The following TRPC1 variants were observed in gnomAD, a reference collection of about 807,000 sequenced individuals.
TRPC1 encodes short transient receptor potential channel 1.
TRPC1 carries 42 observed loss-of-function variants against 88.2 expected under a neutral mutation model. The observed-to-expected ratio is 0.48, with a 90% CI of 0.37 to 0.62. The LOEUF is 0.62. Among genes scored for constraint, TRPC1 ranks in the 20% least tolerant of loss-of-function variants. The pLI, the probability that TRPC1 is intolerant of heterozygous loss-of-function variation, is 0.00. For missense variants in TRPC1, 699 were observed against 957.3 expected (o/e 0.73, Z 3.56); for synonymous variants, 288 against 331.8 (o/e 0.87, Z 1.43).
intron 9 of TRPC1, among the ~76,000 whole-genome samples, chr3:142,798,567 C>T (rs576357941): frequency 6.6e-6 from 1 of 152,290 alleles, no homozygotes; most frequent in African/African-American, 2.4e-5. Context: ...AAGTAACACG[C>T]AGAAGCGTGG....
chr3:142,779,993 A>G (rs1324257300), intron 5 of TRPC1, among the ~76,000 whole-genome samples: 1 of 150,794 alleles, frequency 6.6e-6, no homozygotes, highest in Non-Finnish European at 1.5e-5. Context: ...GATTACAGGC[A>G]CCTGCCACCA....
chr3:142,744,012 T>TA (rs1934447786), intron 3 of TRPC1, among the ~76,000 whole-genome samples: 1 of 152,106 alleles, frequency 6.6e-6, no homozygotes, highest in African/African-American at 2.4e-5. Context: ...TTTTTGCTGT[T>TA]AAAAAAGTTA....
chr3:142,792,842 C>A lies in TRPC1; in HGVS notation c.1456C>A (p.Arg486=). The change falls in exon 9 of 13, where the codon CGG becomes AGG. Residue 486 remains arginine (R), a synonymous_variant. Coordinates refer to ENST00000476941, the MANE Select transcript of TRPC1 (RefSeq NM_001251845.2). The surrounding 1 kb of genome is among the most constrained non-coding windows in gnomAD (Gnocchi z 4.0). ...AHNKFHDFAD[R]KDWDAFHPTL... is the part of the protein sequence containing the mutation. Reference sequence around the variant, plus strand: ...ACCTTAGTTTCATGATTTTGCTGATCGGAAGGATTGGGATGCATTCCATCC... The same window carrying A: ...ACCTTAGTTTCATGATTTTGCTGATAGGAAGGATTGGGATGCATTCCATCC... 6.3e-7 allele frequency: 1 copy of A among 1,587,386 alleles called. No individual in the cohort carries two copies. The highest frequency in any genetic ancestry group is 8.6e-7 in the Non-Finnish European group (1 of 1,167,644).
intron 7 of TRPC1, 95 bp from the exon 8 acceptor site, chr3:142,790,924 G>A: frequency 9.5e-7 from 1 of 1,051,494 alleles, no homozygotes. Flanking sequence ...TAAGGCCCAA[G>A]GATTATTTAT....
intron 1 of TRPC1, among the ~76,000 whole-genome samples, chr3:142,733,078 A>AT (rs1225193419): frequency 2.0e-5 from 3 of 151,780 alleles, no homozygotes; most frequent in Non-Finnish European, 4.4e-5. Flanking sequence ...CTATAATGTG[A>AT]TTTTTCATTT....
chr3:142,734,646 A>C (rs1934052096), intron 1 of TRPC1, among the ~76,000 whole-genome samples: 1 of 152,156 alleles, frequency 6.6e-6, no homozygotes, highest in South Asian at 2.1e-4. Context: ...CCTTAGATTT[A>C]GAAAGCCTAG....
chr3:142,764,767 G>T (rs768939784), intron 4 of TRPC1, among the ~76,000 whole-genome samples: 5 of 152,074 alleles, frequency 3.3e-5, no homozygotes, highest in Non-Finnish European at 7.4e-5. Flanking sequence ...GGTGGTCTAA[G>T]ACCTTCCTGT....
intron 4 of TRPC1, among the ~76,000 whole-genome samples, chr3:142,754,928 A>G (rs35862982): frequency 0.45 from 68,486 of 152,024 alleles, 16,237 homozygotes; most frequent in African/African-American, 0.6. Context: ...TGATTTTGAT[A>G]TGAGAATGAA....
intron 4 of TRPC1, among the ~76,000 whole-genome samples, chr3:142,749,528 G>A (rs1934677337): frequency 6.6e-6 from 1 of 152,122 alleles, no homozygotes; most frequent in Admixed American, 6.6e-5. Context: ...GGAGGTGGAA[G>A]ACAGTGATAT....
At chr3:142,734,289 A>G (rs1934040038) in intron 1 of TRPC1, among the ~76,000 whole-genome samples, 1 of 152,220 alleles carries the variant, frequency 6.6e-6, no homozygotes, top group Admixed American at 6.5e-5. Flanking sequence ...AAATGAAAAC[A>G]TAAGAAAATA....
chr3:142,732,634 G>T (rs974446949), intron 1 of TRPC1, among the ~76,000 whole-genome samples: 7 of 151,918 alleles, frequency 4.6e-5, no homozygotes, highest in Admixed American at 4.6e-4. Flanking sequence ...TTAGAGAGGG[G>T]GCTAAGAAGA....
chr3:142,750,769 C>T (rs1247719964), intron 4 of TRPC1, among the ~76,000 whole-genome samples: 1 of 152,062 alleles, frequency 6.6e-6, no homozygotes, highest in Non-Finnish European at 1.5e-5. Flanking sequence ...TTTGCAGGGA[C>T]ATGGATGAAA....
In TRPC1 at chr3:142,754,422, A is replaced by T. The variant is rs757666423; in HGVS notation, c.632+5962A>T. Reference sequence around the variant, plus strand: ...AAATTTAATTTGCATAAAGTATAATAAAAAAAATGACGAGTTAATGTAATG... The same window carrying T: ...AAATTTAATTTGCATAAAGTATAATTAAAAAAATGACGAGTTAATGTAATG... On this transcript the variant is annotated intron_variant, in intron 4 of 12. Coordinates refer to ENST00000476941, the MANE Select transcript of TRPC1 (RefSeq NM_001251845.2). Among the ~76,000 whole-genome samples, 164 of 152,120 alleles carry T rather than the reference A, an allele frequency of 1.1e-3. 1 individual carries two copies. The highest frequency in any genetic ancestry group is 1.9e-3 in the South Asian group (9 of 4,812).
At chr3:142,754,089 CAAAAA>C (rs10609600) in intron 4 of TRPC1, among the ~76,000 whole-genome samples, 12 of 86,140 alleles carry the variant, frequency 1.4e-4, no homozygotes, top group African/African-American at 1.6e-4. Context: ...GACTCCGTCT[CAAAAA>C]AAAAAAAAAA....
At chr3:142,746,243 G>A (rs1934550363) in intron 3 of TRPC1, among the ~76,000 whole-genome samples, 1 of 151,820 alleles carries the variant, frequency 6.6e-6, no homozygotes, top group Non-Finnish European at 1.5e-5. Flanking sequence ...TGTCTTTTTG[G>A]CAATTGACTT....
chr3:142,771,593 A>G (rs1363337676), intron 4 of TRPC1, among the ~76,000 whole-genome samples: 1 of 152,124 alleles, frequency 6.6e-6, no homozygotes, highest in East Asian at 1.9e-4. Flanking sequence ...AATATTACTA[A>G]CCCAAGAAAA....
chr3:142,740,828 TCAAGTTAGCAAAGAGCTAGTAAG>T (rs1166324239), intron 2 of TRPC1, among the ~76,000 whole-genome samples: 1 of 152,184 alleles, frequency 6.6e-6, no homozygotes, highest in East Asian at 1.9e-4. Context: ...TGGAATTAAG[TCAAGTTAGCAAAGAGCTAGTAAG>T]CAAGTTAGCA....
At chr3:142,801,780 G>A (rs1410450946) in intron 9 of TRPC1, among the ~76,000 whole-genome samples, 1 of 152,132 alleles carries the variant, frequency 6.6e-6, no homozygotes, top group Non-Finnish European at 1.5e-5. Context: ...TTTTATGTTT[G>A]TAAAATTTAA....
At chr3:142,752,184 GACCTGC>G (rs781307690) in intron 4 of TRPC1, among the ~76,000 whole-genome samples, 2 of 152,126 alleles carry the variant, frequency 1.3e-5, no homozygotes, top group Admixed American at 6.5e-5. Flanking sequence ...GCACACCAAG[GACCTGC>G]ACCGGCACCG....
Sources: gnomAD v4.1 joint callset for allele counts (sites outside exome capture counted in the v4.1 genomes callset) on GRCh38, gnomAD v4.1.1 for gene constraint, Gnocchi (gnomAD v3.1) non-coding constraint, MANE v1.5 for transcripts, NCBI Gene and HGNC (gene_info 2026-07-23, HGNC 2026-07-21) for gene names.